The following ZMYM4 variants were observed in gnomAD, a reference collection of about 807,000 sequenced individuals.
The protein encoded by ZMYM4 is zinc finger MYM-type containing 4.
Under a neutral mutation model 183.2 loss-of-function variants are expected in ZMYM4, and 31 were observed. That is an observed-to-expected ratio of 0.17 (90% CI 0.13 to 0.23). ZMYM4 has a LOEUF of 0.23. Among genes scored for constraint, ZMYM4 ranks in the 10% least tolerant of loss-of-function variants. ZMYM4 has a pLI of 1.00. For synonymous variants in ZMYM4, 592 were observed against 631.2 expected (o/e 0.94, Z 0.93); for missense variants, 1,273 against 1,840.3 (o/e 0.69, Z 5.64).
intron 11 of ZMYM4, among the ~76,000 whole-genome samples, chr1:35,386,546 C>T (rs531526981): frequency 6.6e-6 from 1 of 152,292 alleles, no homozygotes; most frequent in Admixed American, 6.5e-5. Context: ...CCAGGCTCCT[C>T]CCCCAACATT....
chr1:35,406,424 T>TCAGGAGGATCTCCTAAGCC (rs1553181661), intron 25 of ZMYM4, among the ~76,000 whole-genome samples: 1 of 152,088 alleles, frequency 6.6e-6, no homozygotes, highest in Non-Finnish European at 1.5e-5. Flanking sequence ...GAAGGCTGAA[T>TCAGGAGGATCTCCTAAGCC]CAGGAGGATC....
intron 23 of ZMYM4, among the ~76,000 whole-genome samples, chr1:35,402,449 CTA>C (rs1644925830): frequency 6.6e-6 from 1 of 152,038 alleles, no homozygotes; most frequent in African/African-American, 2.4e-5. Flanking sequence ...GACCCCATCT[CTA>C]CTAAAAATTT....
intron 1 of ZMYM4, among the ~76,000 whole-genome samples, chr1:35,281,584 C>A (rs114692775): frequency 4.6e-5 from 7 of 151,672 alleles, no homozygotes; most frequent in Non-Finnish European, 1.0e-4. Context: ...CGTATACATA[C>A]GTGTGTATCA....
chr1:35,351,610 C>T (rs966008064), intron 2 of ZMYM4: 3 of 663,216 alleles, frequency 4.5e-6, no homozygotes, highest in Non-Finnish European at 7.9e-6. Context: ...AGAGCTAAAC[C>T]AAACAATTTT....
intron 25 of ZMYM4, among the ~76,000 whole-genome samples, chr1:35,406,788 G>A (rs923840192): frequency 6.6e-6 from 1 of 152,194 alleles, no homozygotes; most frequent in Non-Finnish European, 1.5e-5. Flanking sequence ...GAGCCCATGT[G>A]TATGTAATCT....
intron 26 of ZMYM4, 143 bp from the exon 27 acceptor site, chr1:35,413,829 C>T: frequency 1.9e-6 from 1 of 526,026 alleles, no homozygotes; most frequent in East Asian, 3.3e-5. Context: ...TAACAACTAT[C>T]TCTAAGGTAC....
At chr1:35,386,289 T>C (rs1178345080) in intron 11 of ZMYM4, 100 bp downstream of exon 11, 1 of 802,030 alleles carries the variant, frequency 1.2e-6, no homozygotes, top group Non-Finnish European at 1.9e-6. Flanking sequence ...ACTGGGTAAT[T>C]TATAAAGAAA....
intron 2 of ZMYM4, among the ~76,000 whole-genome samples, chr1:35,329,923 C>G (rs1295047661): frequency 2.0e-5 from 3 of 152,004 alleles, no homozygotes; most frequent in Non-Finnish European, 4.4e-5. Context: ...CACAATAGAA[C>G]TTTATTTCTT....
chr1:35,290,014 C>A (rs1260043264), intron 1 of ZMYM4, among the ~76,000 whole-genome samples: 1 of 152,024 alleles, frequency 6.6e-6, no homozygotes, highest in East Asian at 1.9e-4. Context: ...GTCACCTAGG[C>A]TGGAGTGCGG....
At chr1:35,361,901 ACT>A in intron 5 of ZMYM4, 112 bp downstream of exon 5, 1 of 1,386,196 alleles carries the variant, frequency 7.2e-7, no homozygotes, top group Non-Finnish European at 9.7e-7. Flanking sequence ...GTGAAAGGAA[ACT>A]CTTAAAGAAG....
At chr1:35,271,612 A>G (rs1009734027) in intron 1 of ZMYM4, among the ~76,000 whole-genome samples, 5 of 152,210 alleles carry the variant, frequency 3.3e-5, no homozygotes, top group African/African-American at 1.2e-4. Flanking sequence ...CATGTTGGCC[A>G]GGCTGATCTC....
Position 35,268,847 on chromosome 1 carries a change from A to C in ZMYM4, c.-200A>C. 4.4e-4 allele frequency: 183 copies of C among 414,552 alleles called. No individual in the cohort carries two copies. Among genetic ancestry groups the C allele is most frequent in the East Asian group, 7.2e-4 (15 of 20,914 alleles). The allele number at this position is 414,552 out of a possible 1,614,324, so 25.7% of individuals were successfully genotyped here. ...CGTCCCCGGGCAGGCCCTCCCGCCCACGCGCGGACCCGTGGGATCTCAGAA... is the reference window on the plus strand; with the variant it reads ...CGTCCCCGGGCAGGCCCTCCCGCCCCCGCGCGGACCCGTGGGATCTCAGAA... On this transcript the variant is annotated 5_prime_UTR_variant, in exon 1 of 30. Transcript: ENST00000314607.
chr1:35,299,797 C>T (rs1211886880), intron 1 of ZMYM4, among the ~76,000 whole-genome samples: 1 of 142,956 alleles, frequency 7.0e-6, no homozygotes, highest in African/African-American at 2.5e-5. Context: ...TCTTTCTTTT[C>T]TTTTTTTTTT....
chr1:35,406,381 G>A lies in ZMYM4; in HGVS notation c.3796+913G>A, dbSNP rs186765819. Among the ~76,000 whole-genome samples the A allele has an allele frequency of 3.3e-5, 5 of 152,278 alleles. No homozygotes were observed. The East Asian group carries it at 9.6e-4, about 29-fold the overall frequency. On this transcript the variant is annotated intron_variant, in intron 25 of 29. Coordinates refer to ENST00000314607, the MANE Select transcript of ZMYM4 (RefSeq NM_005095.3). ...AAGTTAAAAGAGCAACCTGCTGGGT[G>A]CAGTGGCTCATACTTGTAATCCCAG...
chr1:35,411,187 CTTTT>C (rs1019150941), intron 26 of ZMYM4, among the ~76,000 whole-genome samples: 2 of 131,482 alleles, frequency 1.5e-5, no homozygotes, highest in Non-Finnish European at 1.7e-5. Flanking sequence ...TTTCTTTTTT[CTTTT>C]TTTTTTTTTT....
At chr1:35,374,814 A>G (rs1287636459) in intron 7 of ZMYM4, among the ~76,000 whole-genome samples, 1 of 151,812 alleles carries the variant, frequency 6.6e-6, no homozygotes, top group Non-Finnish European at 1.5e-5. Context: ...CATACATGTT[A>G]CTCTTTTCAT....
At chr1:35,285,125 T>G (rs1273044662) in intron 1 of ZMYM4, among the ~76,000 whole-genome samples, 1 of 149,526 alleles carries the variant, frequency 6.7e-6, no homozygotes, top group East Asian at 1.9e-4. Flanking sequence ...AGTCCTCAAG[T>G]TTTTTTTTTC....
At position 35,352,386 on chromosome 1, in the gene ZMYM4, G is replaced by GCGCGCGCACACA. The variant is rs1231646476; in HGVS notation, c.86-6538_86-6537insGCGCGCACACAC. Among the ~76,000 whole-genome samples the GCGCGCGCACACA allele has an allele frequency of 1.2e-4, 16 of 128,472 alleles. No individual in the cohort carries two copies. The East Asian group carries it at 1.4e-3, about 11-fold the overall frequency. The allele number at this position is 128,472 out of a possible 152,430, so 84.3% of individuals were successfully genotyped here. ...CTCTACTAATAATTTAAAAATTAGCGCACACACACACACACACACACACAC... is the reference window on the plus strand; with the variant it reads ...CTCTACTAATAATTTAAAAATTAGCGCGCGCGCACACACACACACACACACACACACACACAC... On this transcript the variant is annotated intron_variant, in intron 2 of 29. Coordinates refer to ENST00000314607, the MANE Select transcript of ZMYM4 (RefSeq NM_005095.3).
At chr1:35,352,149 A>G (rs1266665522) in intron 2 of ZMYM4, among the ~76,000 whole-genome samples, 1 of 152,220 alleles carries the variant, frequency 6.6e-6, no homozygotes, top group Non-Finnish European at 1.5e-5. Flanking sequence ...CTATAATTCC[A>G]GCATTTTGGG....
Sources: allele counts gnomAD v4.1 joint callset (sites outside exome capture counted in the v4.1 genomes callset), GRCh38; gene constraint gnomAD v4.1.1; transcripts MANE v1.5; gene names NCBI Gene and HGNC (gene_info 2026-07-23, HGNC 2026-07-21).